DNAH2: variants seen among roughly 807,000 people sequenced by gnomAD.
DNAH2 encodes dynein axonemal heavy chain 2.
A neutral mutation model predicts 523.5 loss-of-function variants in DNAH2; 323 were observed. The ratio of observed to expected loss-of-function variants is 0.62; its 90% CI spans 0.56 to 0.68. The LOEUF is 0.68. DNAH2 is among the 30% of genes least tolerant of loss of function. The pLI is 0.00. For synonymous variants in DNAH2, 2,093 were observed against 2,177.4 expected, an observed-to-expected ratio of 0.96 and a Z score of 1.08; for missense variants, 4,907 against 5,701.5, an observed-to-expected ratio of 0.86 and a Z score of 4.49.
At position 7,807,413 on chromosome 17, in the gene DNAH2, G is replaced by A; in HGVS notation, c.9613-57G>A. On this transcript the variant is annotated intron_variant, in intron 62 of 85. Coordinates refer to ENST00000572933, the MANE Select transcript of DNAH2 (RefSeq NM_020877.5). This position sits in a 1 kb window ranked among gnomAD's most constrained non-coding sequence, Gnocchi z 5.6. ...CAGGTGGAAGGAGGGGATGCCTGGA[G>A]GTGAGGGGGTTGGTGGGTTGGTGGG... 1 of 1,607,760 alleles carries A rather than the reference G, an allele frequency of 6.2e-7. No homozygotes were observed. Among genetic ancestry groups the A allele is most frequent in the South Asian group, 1.1e-5 (1 of 90,946 alleles).
chr17:7,778,348 C>T lies in DNAH2; in HGVS notation c.5420C>T (p.Thr1807Ile). Residue 1807 changes from threonine to isoleucine, a missense_variant, in exon 35 of 86, where the codon ACA becomes ATA. Around this residue, in one of 3 missense-constraint regions of DNAH2, gnomAD observed 2,806 missense variants for 3,190.8 expected, o/e 0.88. Transcript: ENST00000572933. ...GGCTCCCCCAAAGGCCCTGCAGGCA[C>T]AGGCAAGACCGAGACCGTCAAGGAC... is the stretch of plus-strand genomic sequence containing the variant. The part of the protein sequence containing the change: ...RGGSPKGPAG[T>I]GKTETVKDLG... 2 of 1,614,240 alleles carry T rather than the reference C, an allele frequency of 1.2e-6. No homozygotes were observed. The highest frequency in any genetic ancestry group is 1.7e-6 in the Non-Finnish European group (2 of 1,180,040).
At chr17:7,796,988 G>A (rs190063329) in intron 50 of DNAH2, among the ~76,000 whole-genome samples, 188 bp from the exon 51 acceptor site, 1 of 149,212 alleles carries the variant, frequency 6.7e-6, no homozygotes, top group African/African-American at 2.5e-5. Context: ...TGTAGTCCCA[G>A]CTACATGGGA....
Position 7,833,622 on chromosome 17 carries a change from A to C in DNAH2, c.*89A>C, listed in dbSNP as rs2078260056. 1 of 1,575,114 alleles carries C rather than the reference A, an allele frequency of 6.3e-7. No individual in the cohort carries two copies. The highest frequency in any genetic ancestry group is 8.6e-7 in the Non-Finnish European group (1 of 1,161,868). On this transcript the variant is annotated 3_prime_UTR_variant, in exon 86 of 86. Coordinates refer to ENST00000572933, the MANE Select transcript of DNAH2 (RefSeq NM_020877.5). Reference sequence around the variant, plus strand: ...GCACCTAGGACTGAGGCCGGACCTCACTCAGACTTTGACCTTGGCCGAATT... The same window carrying C: ...GCACCTAGGACTGAGGCCGGACCTCCCTCAGACTTTGACCTTGGCCGAATT...
At chr17:7,741,453 G>A (rs1420020705) in intron 11 of DNAH2, among the ~76,000 whole-genome samples, 29 of 150,644 alleles carry the variant, frequency 1.9e-4, no homozygotes, top group Admixed American at 1.9e-3. Context: ...TGCCTCCCGG[G>A]TTCACACCAT....
chr17:7,824,451 C>G (rs1324710937), intron 76 of DNAH2, 86 bp from the exon 77 acceptor site: 2 of 1,399,550 alleles, frequency 1.4e-6, no homozygotes, highest in Non-Finnish European at 1.9e-6. Context: ...GCCCCCCCAG[C>G]ACCCCCACCC....
rs1567671272 is a variant in DNAH2, at chr17:7,770,631, T to C, written c.4173T>C (p.His1391=). ...TACCCTACAAGGATAAGGGCCATCA[T>C]CGGCTCAGGTCAGGGGAGCTGGGGC... The part of the protein sequence containing the change: ...DIVPYKDKGH[H]RLRGTEEVFQ... The change falls in exon 26 of 86, where the codon CAT becomes CAC. Residue 1391 remains histidine (H), a synonymous_variant. Transcript: ENST00000572933. 1.2e-6 allele frequency: 2 copies of C among 1,614,150 alleles called. No homozygotes were observed.
chr17:7,742,749 C>T (rs1260425829), intron 11 of DNAH2, among the ~76,000 whole-genome samples, 179 bp from the exon 12 acceptor site: 1 of 152,254 alleles, frequency 6.6e-6, no homozygotes, highest in Admixed American at 6.5e-5. Context: ...CTTCCTATCA[C>T]CTTCCTTTTT....
intron 2 of DNAH2, among the ~76,000 whole-genome samples, chr17:7,722,566 C>T (rs1449505528): frequency 6.6e-6 from 1 of 152,116 alleles, no homozygotes; most frequent in Non-Finnish European, 1.5e-5. Flanking sequence ...TTCCCCCTTC[C>T]CCCGCAGATC....
Position 7,798,720 on chromosome 17 carries a change from T to C in DNAH2, c.8559+2T>C, listed in dbSNP as rs1386243431. ...TACAAGCCTGATGAATTTGAAGAGG[T>C]AGGATTCCTTCCACACCCTTGACCA... is the stretch of plus-strand genomic sequence containing the variant. On this transcript the variant is annotated splice_donor_variant, in intron 55 of 85. Transcript: ENST00000572933. LOFTEE classifies it high-confidence loss of function. The surrounding 1 kb of genome is among the most constrained non-coding windows in gnomAD (Gnocchi z 5.5). 6.2e-7 allele frequency: 1 copy of C among 1,611,492 alleles called. No individual in the cohort carries two copies. The highest frequency in any genetic ancestry group is 1.7e-5 in the Admixed American group (1 of 59,980).
At position 7,787,940 on chromosome 17, in the gene DNAH2, C is replaced by G; in HGVS notation, c.6684C>G (p.Asp2228Glu). ...TVSRCGMVYTDYADLGWKPYV... is the reference protein window; with the variant it reads ...TVSRCGMVYTEYADLGWKPYV... The stretch of plus-strand genomic sequence containing the variant: ...CCCGCTGCGGGATGGTCTACACTGA[C>G]TACGCTGACCTGGGCTGGAAGCCCT... Residue 2228 changes from aspartate to glutamate, a missense_variant, in exon 43 of 86, where the codon GAC (aspartate) becomes GAG (glutamate). By Grantham distance (45) the Asp-to-Glu change is conservative (BLOSUM62 2). Coordinates refer to ENST00000572933, the MANE Select transcript of DNAH2 (RefSeq NM_020877.5). 6.2e-7 allele frequency: 1 copy of G among 1,614,184 alleles called. No homozygotes were observed. Among genetic ancestry groups the G allele is most frequent in the South Asian group, 1.1e-5 (1 of 91,086 alleles).
intron 45 of DNAH2, 56 bp from the exon 46 acceptor site, chr17:7,792,196 G>A: frequency 1.2e-6 from 2 of 1,604,134 alleles, no homozygotes; most frequent in Admixed American, 1.7e-5. Context: ...CCCGTTCTCT[G>A]GGCTGGAGAA....
chr17:7,831,132 G>C lies in DNAH2; in HGVS notation c.12277G>C (p.Ala4093Pro), dbSNP rs533020242. ...TTTCATCCCCAAGGATGGCAGCCTCGCTTCTTACAAGGAATACATCAGCTT... is the reference window on the plus strand; with the variant it reads ...TTTCATCCCCAAGGATGGCAGCCTCCCTTCTTACAAGGAATACATCAGCTT... ...TYFIPKDGSL[A>P]SYKEYISLLP... Residue 4093 changes from alanine (A) to proline (P), a missense_variant, in exon 80 of 86, where the codon GCT (alanine) becomes CCT (proline). Coordinates refer to ENST00000572933, the MANE Select transcript of DNAH2 (RefSeq NM_020877.5). This position sits in a 1 kb window ranked among gnomAD's most constrained non-coding sequence, Gnocchi z 4.2. 2.3e-5 allele frequency: 37 copies of C among 1,614,036 alleles called. No individual in the cohort carries two copies. The East Asian group carries it at 7.6e-4, about 33-fold the overall frequency.
chr17:7,719,127 CTT>C (rs34833123), intron 1 of DNAH2, among the ~76,000 whole-genome samples: 90,138 of 136,250 alleles, frequency 0.66, 29,703 homozygotes, highest in East Asian at 0.78. Flanking sequence ...GTCTGGCCAT[CTT>C]TTTTTTTTTT....
intron 9 of DNAH2, 80 bp from the exon 10 acceptor site, chr17:7,740,340 T>C: frequency 1.3e-6 from 2 of 1,585,070 alleles, no homozygotes; most frequent in Non-Finnish European, 1.7e-6. Flanking sequence ...TCCTCAGCAA[T>C]GCATGGGATT....
At position 7,831,764 on chromosome 17, in the gene DNAH2, C is replaced by T; in HGVS notation, c.12715C>T (p.Leu4239Phe). 3.7e-6 allele frequency: 6 copies of T among 1,613,784 alleles called. No individual in the cohort carries two copies. Among genetic ancestry groups the T allele is most frequent in the Non-Finnish European group, 4.2e-6 (5 of 1,179,754 alleles). The change falls in exon 82 of 86, where the codon CTC becomes TTC. Residue 4239 changes from leucine to phenylalanine, a missense_variant. By Grantham distance (22) the Leu-to-Phe change is conservative. Transcript: ENST00000572933. This position sits in a 1 kb window ranked among gnomAD's most constrained non-coding sequence, Gnocchi z 4.2. ...CATCTTTGATGCCCATGTTCCTCCG[C>T]TCTGGGGAAAGGCAAGATTATACCA... is the stretch of plus-strand genomic sequence containing the variant. The part of the protein sequence containing the change: ...NCIFDAHVPP[L>F]WGKAYPSQKP...
chr17:7,818,939 G>A lies in DNAH2; in HGVS notation c.10691G>A (p.Gly3564Asp), dbSNP rs766421464. The A allele has an allele frequency of 1.9e-6, 3 of 1,612,188 alleles. No individual in the cohort carries two copies. The highest frequency in any genetic ancestry group is 4.5e-5 in the East Asian group (2 of 44,850). The change falls in exon 71 of 86, where the codon GGC becomes GAC. Residue 3564 changes from glycine to aspartate, a missense_variant. By Grantham distance (94) the Gly-to-Asp change is moderately conservative (BLOSUM62 -1). Around this residue, in one of 3 missense-constraint regions of DNAH2, gnomAD observed 1,851 missense variants for 2,139.4 expected, o/e 0.87. Coordinates refer to ENST00000572933, the MANE Select transcript of DNAH2 (RefSeq NM_020877.5). ...EILRLLNEAT[G>D]SLLDDVQLVN... ...CCTAGGCTGCTGAATGAGGCCACCG[G>A]CTCCCTGCTGGATGATGTGCAGCTG...
Position 7,786,345 on chromosome 17 carries a change from AC to A in DNAH2, c.6348+4del, listed in dbSNP as rs760211349. 1 of 1,610,838 alleles carries A rather than the reference AC, an allele frequency of 6.2e-7. No homozygotes were observed. Among genetic ancestry groups the A allele is most frequent in the Non-Finnish European group, 8.5e-7 (1 of 1,179,810 alleles). ...ACCCTAACTTCAACATTGTTAGAGT[AC>A]GGGGCTGGGACAGTGGAGTCAGTGG... On this transcript the variant is annotated splice_donor_region_variant and intron_variant, in intron 40 of 85. Coordinates refer to ENST00000572933, the MANE Select transcript of DNAH2 (RefSeq NM_020877.5). This position sits in a 1 kb window ranked among gnomAD's most constrained non-coding sequence, Gnocchi z 7.5.
chr17:7,824,332 C>A, intron 76 of DNAH2, 28 bp downstream of exon 76: 1 of 1,500,364 alleles, frequency 6.7e-7, no homozygotes, highest in Non-Finnish European at 8.9e-7. Context: ...CTTCCACCCC[C>A]ATCTTCAGCC....
intron 12 of DNAH2, among the ~76,000 whole-genome samples, chr17:7,746,327 C>T (rs1326069925): frequency 6.6e-6 from 1 of 152,170 alleles, no homozygotes; most frequent in Non-Finnish European, 1.5e-5. Context: ...GTCAGTGTTT[C>T]AGATTCTTGT....
Sources: allele counts gnomAD v4.1 joint callset (sites outside exome capture counted in the v4.1 genomes callset), GRCh38; gene constraint gnomAD v4.1.1; regional missense constraint gnomAD v4.1.1; non-coding constraint Gnocchi (gnomAD v3.1); transcripts MANE v1.5; gene names NCBI Gene and HGNC (gene_info 2026-07-23, HGNC 2026-07-21).